EML5: variants seen among roughly 807,000 people sequenced by gnomAD.
The protein encoded by EML5 is EMAP like 5.
EML5 carries 120 observed loss-of-function variants against 250.0 expected under a neutral mutation model. The observed-to-expected ratio is 0.48, with a 90% CI of 0.41 to 0.56. The LOEUF is 0.56. Ranked by LOEUF, EML5 falls within the 20% of genes least tolerant of loss-of-function variation. The pLI is 0.00. For synonymous variants in EML5, 771 were observed against 806.5 expected, an observed-to-expected ratio of 0.96 and a Z score of 0.75; for missense variants, 2,006 against 2,437.6, an observed-to-expected ratio of 0.82 and a Z score of 3.73.
chr14:88,772,852 C>CT (rs1013046673), intron 1 of EML5, among the ~76,000 whole-genome samples: 9 of 152,288 alleles, frequency 5.9e-5, no homozygotes, highest in Non-Finnish European at 8.8e-5. Context: ...CTTTCTATCC[C>CT]TTAAAATGGC....
intron 9 of EML5, among the ~76,000 whole-genome samples, chr14:88,714,267 C>T (rs1455500717): frequency 6.6e-6 from 1 of 152,186 alleles, no homozygotes; most frequent in Non-Finnish European, 1.5e-5. Flanking sequence ...CTTTACCATA[C>T]ACTATACTCA....
rs142357693 is a variant in EML5, at chr14:88,740,829, T to C, written c.526-257A>G. On this transcript the variant is annotated intron_variant, in intron 4 of 43. Transcript: ENST00000554922. ...TTTGAATCAGATTATTTTTAAAATA[T>C]GCTATGCTTTCCTTAGGTTTCTGAA... Among the ~76,000 whole-genome samples, 23 of 152,304 alleles carry C rather than the reference T, an allele frequency of 1.5e-4. No individual in the cohort carries two copies. The East Asian group carries it at 3.7e-3, about 24-fold the overall frequency.
chr14:88,636,433 C>T (rs2090734460), intron 32 of EML5, among the ~76,000 whole-genome samples: 1 of 152,104 alleles, frequency 6.6e-6, no homozygotes, highest in Non-Finnish European at 1.5e-5. Context: ...GAAGCCAAGG[C>T]GGGCAGATAA....
In EML5 at chr14:88,776,419, AAAT is replaced by A. The variant is rs1202688695; in HGVS notation, c.197+15885_197+15887del. Among the ~76,000 whole-genome samples the A allele has an allele frequency of 2.6e-5, 4 of 152,268 alleles. No individual in the cohort carries two copies. The East Asian group carries it at 7.7e-4, about 29-fold the overall frequency. Reference sequence around the variant, plus strand: ...TGTCAGATAAATTTAACAGAGACTGAAATAATTTACAAGAACCAAACAGAAATC... The same window carrying A: ...TGTCAGATAAATTTAACAGAGACTGAAATTTACAAGAACCAAACAGAAATC... On this transcript the variant is annotated intron_variant, in intron 1 of 43. Coordinates refer to ENST00000554922, the MANE Select transcript of EML5 (RefSeq NM_183387.3).
intron 8 of EML5, 137 bp from the exon 9 acceptor site, chr14:88,715,332 G>C: frequency 1.2e-6 from 1 of 847,690 alleles, no homozygotes; most frequent in Non-Finnish European, 1.8e-6. Context: ...AACACAAGTA[G>C]TATTAATTCA....
chr14:88,760,344 T>TTGTC (rs1016199210), intron 1 of EML5, among the ~76,000 whole-genome samples: 1 of 27,956 alleles, frequency 3.6e-5, no homozygotes, highest in Non-Finnish European at 6.2e-5. Flanking sequence ...TAGGTTATAG[T>TTGTC]TGTTTGTTTG....
rs535087112 is a variant in EML5 at position 88,654,159 on chromosome 14, G to T, written c.4004+3217C>A. Among the ~76,000 whole-genome samples the T allele has an allele frequency of 2.6e-4, 40 of 152,108 alleles. No individual in the cohort carries two copies. The East Asian group carries it at 3.5e-3, about 13-fold the overall frequency. ...TTAACATTTTTTATTGTGTCTTTTT[G>T]ATTTTTCTCTCTTTTCTTCTTTATT... On this transcript the variant is annotated intron_variant, in intron 27 of 43. Transcript: ENST00000554922.
intron 8 of EML5, among the ~76,000 whole-genome samples, chr14:88,725,826 T>A (rs963355006): frequency 6.6e-6 from 1 of 152,034 alleles, no homozygotes; most frequent in African/African-American, 2.4e-5. Context: ...GGAAGGAGAT[T>A]AATATGAGAG....
chr14:88,712,492 AAATC>A lies in EML5; in HGVS notation c.1445-13_1445-10del. The A allele has an allele frequency of 6.3e-7, 1 of 1,596,652 alleles. No individual in the cohort carries two copies. The highest frequency in any genetic ancestry group is 8.6e-7 in the Non-Finnish European group (1 of 1,166,672). On this transcript the variant is annotated splice_polypyrimidine_tract_variant and intron_variant, in intron 9 of 43. Transcript: ENST00000554922. ...TGTCACTTCCTTTCCTCCTAAAAATAAATCAGAGTCTTAATTTAAAAAGTTATTT... is the reference window on the plus strand; with the variant it reads ...TGTCACTTCCTTTCCTCCTAAAAATAAGAGTCTTAATTTAAAAAGTTATTT...
chr14:88,774,738 T>C (rs2094431078), intron 1 of EML5, among the ~76,000 whole-genome samples: 1 of 152,214 alleles, frequency 6.6e-6, no homozygotes, highest in East Asian at 1.9e-4. Flanking sequence ...AATCCATTTA[T>C]TAGATCCTTT....
At chr14:88,657,903 C>T (rs2091931396) in intron 26 of EML5, among the ~76,000 whole-genome samples, 1 of 151,882 alleles carries the variant, frequency 6.6e-6, no homozygotes, top group South Asian at 2.1e-4. Context: ...AGAAGAAAAT[C>T]AAAATTATTT....
chr14:88,653,431 T>A (rs1595382398), intron 27 of EML5, among the ~76,000 whole-genome samples: 1 of 152,178 alleles, frequency 6.6e-6, no homozygotes, highest in African/African-American at 2.4e-5. Flanking sequence ...TGGCTGTGGG[T>A]TTGTCATAAA....
In EML5 at chr14:88,617,178, G is replaced by A. The variant is rs188968681; in HGVS notation, c.5643-299C>T. On this transcript the variant is annotated intron_variant, in intron 41 of 43. Transcript: ENST00000554922. The stretch of plus-strand genomic sequence containing the variant: ...TTTTTTTTTTTGAGACGGAGTTTTC[G>A]CTCTTGTTACCCAGGCTGGAGTGCA... 11 of 184,924 alleles carry A rather than the reference G, an allele frequency of 5.9e-5. No individual in the cohort carries two copies. In the South Asian group the frequency reaches 6.1e-4, roughly 10 times the overall value. 11.5% of individuals were successfully genotyped at this position (184,924 alleles called of 1,614,324 possible). A position where few individuals can be genotyped will look rare whatever the true frequency, so the allele number is the denominator to read the frequency against.
intron 20 of EML5, among the ~76,000 whole-genome samples, chr14:88,683,061 C>CA (rs1259591807): frequency 7.3e-6 from 1 of 137,026 alleles, no homozygotes; most frequent in Non-Finnish European, 1.6e-5. Context: ...AAGTACGTCT[C>CA]AAAAACAGTG....
Position 88,616,874 on chromosome 14 carries a change from A to G in EML5, c.5648T>C (p.Leu1883Pro). Residue 1883 changes from leucine to proline, a missense_variant, in exon 42 of 44, where the codon CTA (leucine) becomes CCA (proline). This residue lies in a region of EML5 where 405 missense variants were observed against 523.3 expected (regional missense o/e 0.77). Transcript: ENST00000554922. The part of the protein sequence containing the change: ...RITWATWTSI[L>P]GDEVLGIWSR... Reference sequence around the variant, plus strand: ...CCAGATTCCCAAAACCTCATCTCCTAGAATACTAGAGGGAAGGAACAAAAG... The same window carrying G: ...CCAGATTCCCAAAACCTCATCTCCTGGAATACTAGAGGGAAGGAACAAAAG... The G allele has an allele frequency of 6.2e-7, 1 of 1,613,456 alleles. No individual in the cohort carries two copies. The highest frequency in any genetic ancestry group is 8.5e-7 in the Non-Finnish European group (1 of 1,179,624).
intron 3 of EML5, among the ~76,000 whole-genome samples, chr14:88,745,043 A>G (rs1006678730): frequency 2.6e-5 from 4 of 152,162 alleles, no homozygotes; most frequent in Admixed American, 6.6e-5. Context: ...CATATTTTGT[A>G]ACGGGTCTAT....
At position 88,792,771 on chromosome 14, in the gene EML5, G is replaced by A; in HGVS notation, c.-268C>T. 9.7e-7 allele frequency: 1 copy of A among 1,034,376 alleles called. No homozygotes were observed. The highest frequency in any genetic ancestry group is 1.7e-5 in the African/African-American group (1 of 59,008). 64.1% of individuals were successfully genotyped at this position (1,034,376 alleles called of 1,614,324 possible). A position where few individuals can be genotyped will look rare whatever the true frequency, so the allele number is the denominator to read the frequency against. On this transcript the variant is annotated 5_prime_UTR_variant, in exon 1 of 44. Coordinates refer to ENST00000554922, the MANE Select transcript of EML5 (RefSeq NM_183387.3). The surrounding 1 kb of genome is among the most constrained non-coding windows in gnomAD (Gnocchi z 6.9). ...TGCCCAGAGCCCTTCGCCCGCCTCGGCTCGCCTAGTCTCCTCAGCCCGTAG... is the reference window on the plus strand; with the variant it reads ...TGCCCAGAGCCCTTCGCCCGCCTCGACTCGCCTAGTCTCCTCAGCCCGTAG...
At chr14:88,639,769 C>A (rs949784086) in intron 31 of EML5, among the ~76,000 whole-genome samples, 2 of 151,968 alleles carry the variant, frequency 1.3e-5, no homozygotes, top group Non-Finnish European at 2.9e-5. Context: ...TTAGTAGATA[C>A]GGGGTTTTGC....
At position 88,694,369 on chromosome 14, in the gene EML5, G is replaced by T. The variant is rs1262272229; in HGVS notation, c.2477C>A (p.Pro826His). Reference sequence around the variant, plus strand: ...TGTAATTAGTTTATCAGGCACATAGGGGTTCATCTTTACAACAAAAATCTT... The same window carrying T: ...TGTAATTAGTTTATCAGGCACATAGTGGTTCATCTTTACAACAAAAATCTT... Reference protein sequence around the residue: ...KDKIFVVKMNPYVPDKLITAG... With the variant: ...KDKIFVVKMNHYVPDKLITAG... The change falls in exon 17 of 44, where the codon CCC becomes CAC. Residue 826 changes from proline to histidine, a missense_variant. Coordinates refer to ENST00000554922, the MANE Select transcript of EML5 (RefSeq NM_183387.3). 1 of 1,593,622 alleles carries T rather than the reference G, an allele frequency of 6.3e-7. No individual in the cohort carries two copies.
Sources: allele counts gnomAD v4.1 joint callset (sites outside exome capture counted in the v4.1 genomes callset), GRCh38; gene constraint gnomAD v4.1.1; regional missense constraint gnomAD v4.1.1; non-coding constraint Gnocchi (gnomAD v3.1); transcripts MANE v1.5; gene names NCBI Gene and HGNC (gene_info 2026-07-23, HGNC 2026-07-21).